Variants in FAHD1 observed in about 807,000 individuals in gnomAD.
FAHD1 encodes FAH domain containing oxaloacetate decarboxylase 1.
FAHD1 carries 14 observed loss-of-function variants against 12.7 expected under a neutral mutation model. That is an observed-to-expected ratio of 1.10 (90% CI 0.73 to 1.72). FAHD1 has a LOEUF of 1.72. FAHD1 is among the 40% of genes most tolerant of loss of function. FAHD1 has a pLI of 0.00. For synonymous variants in FAHD1, 153 were observed against 124.9 expected, an observed-to-expected ratio of 1.22 and a Z score of -1.50; for missense variants, 351 against 298.9, an observed-to-expected ratio of 1.17 and a Z score of -1.29.
At chr16:1,832,032 A>G (rs1385810037), downstream of FAHD1, among the ~76,000 whole-genome samples, 1 of 152,124 alleles carries the variant, frequency 6.6e-6, no homozygotes, top group Admixed American at 6.6e-5. Flanking sequence ...AGTGAAATCA[A>G]TGAAATGGTT....
chr16:1,834,164 T>G (rs1199715618), intron 1 of FAHD1: 1 of 708,066 alleles, frequency 1.4e-6, no homozygotes, highest in Non-Finnish European at 2.4e-6. Context: ...GTAAACAAAA[T>G]GCAATTTTCC....
At chr16:1,835,006 G>A (rs1898703725) in intron 1 of FAHD1, among the ~76,000 whole-genome samples, 1 of 141,286 alleles carries the variant, frequency 7.1e-6, no homozygotes, top group South Asian at 2.2e-4. Context: ...TGTAATCCCA[G>A]CACTTTGGGA....
chr16:1,839,217 G>A (rs1331033206), intron 2 of FAHD1: 11 of 1,511,258 alleles, frequency 7.3e-6, no homozygotes, highest in Non-Finnish European at 9.8e-6. Flanking sequence ...CATTCACTTT[G>A]GAAATATTCT....
chr16:1,827,307 C>T, exon 1 of FAHD1: 1 of 1,613,254 alleles, frequency 6.2e-7, no homozygotes, highest in South Asian at 1.1e-5. Flanking sequence ...TGGGGAGGAA[C>T]TACGCGGACC....
chr16:1,830,870 C>G (rs1455827401), downstream of FAHD1, among the ~76,000 whole-genome samples: 1 of 151,568 alleles, frequency 6.6e-6, no homozygotes, highest in East Asian at 1.9e-4. Flanking sequence ...TCCCTTCCTC[C>G]CCGCCATATA....
intron 1 of FAHD1, chr16:1,834,382 G>T: frequency 7.3e-7 from 1 of 1,364,942 alleles, no homozygotes; most frequent in Non-Finnish European, 1.0e-6. Flanking sequence ...AGGAGAAACA[G>T]AAAAAGAGAC....
At chr16:1,830,427 C>G (rs1273849857), downstream of FAHD1, among the ~76,000 whole-genome samples, 1 of 152,166 alleles carries the variant, frequency 6.6e-6, no homozygotes, top group South Asian at 2.1e-4. Context: ...AGTCTGCTAC[C>G]AGGTACACGG....
At chr16:1,827,718 C>T in exon 1 of FAHD1, 1 of 1,614,166 alleles carries the variant, frequency 6.2e-7, no homozygotes, top group Non-Finnish European at 8.5e-7. Context: ...GTGAGACATC[C>T]TCCATGATTT....
downstream of FAHD1, among the ~76,000 whole-genome samples, chr16:1,829,868 C>CTTTTTTTTTTTTTTTT (rs140341882): frequency 6.7e-6 from 1 of 149,732 alleles, no homozygotes; most frequent in African/African-American, 2.4e-5. Flanking sequence ...TTCTTTCTTT[C>CTTTTTTTTTTTTTTTT]TTTTTTCTTT....
chr16:1,832,619 T>G (rs1898644388), downstream of FAHD1, among the ~76,000 whole-genome samples: 1 of 151,970 alleles, frequency 6.6e-6, no homozygotes, highest in African/African-American at 2.4e-5. Context: ...GATCACTGTC[T>G]CTACAAAATG....
In FAHD1 at chr16:1,834,382, GAA is replaced by G. The variant is rs770741254; in HGVS notation, c.628-3630_628-3629del. The G allele has an allele frequency of 8.0e-5, 109 of 1,364,940 alleles. 1 individual carries two copies. In the African/African-American group the frequency reaches 1.3e-3, roughly 16 times the overall value. The allele number at this position is 1,364,940 out of a possible 1,614,324, so 84.6% of individuals were successfully genotyped here. On this transcript the variant is annotated intron_variant, in intron 1 of 2. Coordinates refer to the FAHD1 transcript ENST00000382666. ...ATAGAACGAACTGCGAGGAGAAACA[GAA>G]AAAGAGACAAAAGGTTAATTTTTAA... is the stretch of plus-strand genomic sequence containing the variant.
chr16:1,827,841 G>A lies in FAHD1; in HGVS notation c.603G>A (p.Glu201=), dbSNP rs773910707. The change falls in exon 1 of 1, where the codon GAG becomes GAA. Residue 201 remains glutamate, a synonymous_variant. Transcript: ENST00000427358. ...TTGGACCGGTTAAAGAAAACGATGA[G>A]ATCGAGGCTGGCATACACGGGCTGG... The A allele has an allele frequency of 3.1e-6, 5 of 1,614,092 alleles. No individual in the cohort carries two copies. The South Asian group carries it at 5.5e-5, about 18-fold the overall frequency.
exon 1 of FAHD1, chr16:1,827,627 C>A (rs375302754): frequency 1.2e-6 from 2 of 1,613,890 alleles, no homozygotes; most frequent in African/African-American, 2.7e-5. Context: ...CCGGTCAGCG[C>A]GTTCGTGCCC....
downstream of FAHD1, chr16:1,828,977 C>T (rs1000056645): frequency 6.4e-6 from 6 of 944,370 alleles, no homozygotes; most frequent in Non-Finnish European, 7.7e-6. Flanking sequence ...CCTTGTGGGG[C>T]TTCAGACCTT....
At chr16:1,829,431 G>A (rs2142064245), downstream of FAHD1, among the ~76,000 whole-genome samples, 1 of 152,244 alleles carries the variant, frequency 6.6e-6, no homozygotes, top group Admixed American at 6.5e-5. Context: ...GCGAAGGCTG[G>A]CTAAAGTCAC....
At chr16:1,837,981 G>A (rs1392456842) in intron 1 of FAHD1, 7 of 1,441,618 alleles carry the variant, frequency 4.9e-6, no homozygotes, top group Non-Finnish European at 6.4e-6. Context: ...TTTATTTGCA[G>A]TAATTACAGC....
chr16:1,838,776 C>T (rs1422021626), intron 2 of FAHD1, among the ~76,000 whole-genome samples: 2 of 152,118 alleles, frequency 1.3e-5, no homozygotes, highest in Admixed American at 1.3e-4. Flanking sequence ...ACTGCAACTT[C>T]CACATCCTGG....
downstream of FAHD1, among the ~76,000 whole-genome samples, chr16:1,829,231 G>A (rs901240424): frequency 6.6e-6 from 1 of 152,170 alleles, no homozygotes; most frequent in African/African-American, 2.4e-5. Context: ...ATCATCTGCT[G>A]GCCCCTGAAG....
At chr16:1,829,120 G>A (rs916979563), downstream of FAHD1, among the ~76,000 whole-genome samples, 3 of 152,276 alleles carry the variant, frequency 2.0e-5, no homozygotes, top group African/African-American at 7.2e-5. Context: ...GCTCTTGCCT[G>A]CACCCTCCTC....
Sources: allele counts gnomAD v4.1 joint callset (sites outside exome capture counted in the v4.1 genomes callset), GRCh38; gene constraint gnomAD v4.1.1; transcripts MANE v1.5; gene names NCBI Gene and HGNC (gene_info 2026-07-23, HGNC 2026-07-21).